The following GSTCD variants were observed in gnomAD, a reference collection of about 807,000 sequenced individuals.
The protein encoded by GSTCD is glutathione S-transferase C-terminal domain-containing protein.
Under a neutral mutation model 68.3 loss-of-function variants are expected in GSTCD, and 44 were observed. That is an observed-to-expected ratio of 0.64 (90% CI 0.51 to 0.83). The LOEUF (loss-of-function observed/expected upper bound fraction) is 0.83. Ranked by LOEUF, GSTCD falls within the 40% of genes least tolerant of loss-of-function variation. The pLI is 0.00. For synonymous variants in GSTCD, 273 were observed against 255.2 expected, an observed-to-expected ratio of 1.07 and a Z score of -0.67; for missense variants, 739 against 735.9, an observed-to-expected ratio of 1.00 and a Z score of -0.05.
At chr4:105,804,891 G>A (rs1052701894) in intron 5 of GSTCD, among the ~76,000 whole-genome samples, 7 of 152,116 alleles carry the variant, frequency 4.6e-5, no homozygotes, top group African/African-American at 1.7e-4. Flanking sequence ...AGAACATGCA[G>A]TGTTTGGTTT....
In GSTCD at chr4:105,717,836, A is replaced by T. The variant is rs1180537969; in HGVS notation, c.223A>T (p.Ile75Phe). Residue 75 changes from isoleucine to phenylalanine, a missense_variant, in exon 2 of 12, where the codon ATT becomes TTT. Transcript: ENST00000515279. ...DDLIQDVEIQ[I>F]ISRQELPPIV... is the part of the protein sequence containing the mutation. Reference sequence around the variant, plus strand: ...CCTGATCCAGGATGTTGAAATACAGATTATTTCAAGGCAGGAGCTCCCACC... The same window carrying T: ...CCTGATCCAGGATGTTGAAATACAGTTTATTTCAAGGCAGGAGCTCCCACC... 4 of 1,613,446 alleles carry T rather than the reference A, an allele frequency of 2.5e-6. No homozygotes were observed. In the African/African-American group the frequency reaches 5.3e-5, roughly 22 times the overall value.
intron 5 of GSTCD, among the ~76,000 whole-genome samples, chr4:105,746,911 C>T (rs1560808464): frequency 6.6e-6 from 1 of 152,216 alleles, no homozygotes; most frequent in East Asian, 1.9e-4. Flanking sequence ...CTAGTCCCTA[C>T]TTCTTTGTTG....
At position 105,766,369 on chromosome 4, in the gene GSTCD, C is replaced by A. The variant is rs976095072; in HGVS notation, c.1240+36870C>A. Among the ~76,000 whole-genome samples, 28 of 152,180 alleles carry A rather than the reference C, an allele frequency of 1.8e-4. 1 individual carries two copies. Among genetic ancestry groups the A allele is most frequent in the Non-Finnish European group, 8.8e-5 (6 of 68,038 alleles). On this transcript the variant is annotated intron_variant, in intron 5 of 11. Coordinates refer to ENST00000515279, the MANE Select transcript of GSTCD (RefSeq NM_001370181.1). ...GAAAGAATGTGACTTCTCCCTTGCT[C>A]CTACCTTCCATCCTTTTACTAATAG... is the stretch of plus-strand genomic sequence containing the variant.
rs187758649 is a variant in GSTCD, at chr4:105,719,220, G to T, written c.587G>T (p.Arg196Leu). The change falls in exon 3 of 12, where the codon CGC becomes CTC. Residue 196 changes from arginine to leucine, a missense_variant. By Grantham distance (102) the Arg-to-Leu change is moderately radical. Transcript: ENST00000515279. ...PVRVHNDDKL[R>L]RQKLKQQKAD... ...AGAGTGCATAATGATGATAAACTCC[G>T]CAGGCAGAAGCTCAAGCAACAGAAG... is the stretch of plus-strand genomic sequence containing the variant. 2 of 1,614,022 alleles carry T rather than the reference G, an allele frequency of 1.2e-6. No individual in the cohort carries two copies. Among genetic ancestry groups the T allele is most frequent in the South Asian group, 2.2e-5 (2 of 91,082 alleles).
intron 5 of GSTCD, among the ~76,000 whole-genome samples, chr4:105,743,241 C>T (rs1052172124): frequency 6.6e-5 from 10 of 152,152 alleles, no homozygotes; most frequent in Middle Eastern, 3.4e-3. Context: ...TGACCCACCG[C>T]ACCCAGCCTG....
intron 5 of GSTCD, among the ~76,000 whole-genome samples, chr4:105,770,456 G>C (rs146101037): frequency 0.12 from 17,932 of 151,484 alleles, 1,611 homozygotes; most frequent in African/African-American, 0.25. Context: ...ATGTGCCATG[G>C]TGGTTTGCTG....
In GSTCD at chr4:105,825,796, T is replaced by C. The variant is rs1333483682; in HGVS notation, c.1526T>C (p.Ile509Thr). The C allele has an allele frequency of 6.5e-7, 1 of 1,528,560 alleles. No individual in the cohort carries two copies. The highest frequency in any genetic ancestry group is 9.0e-7 in the Non-Finnish European group (1 of 1,107,160). 94.7% of individuals were successfully genotyped at this position (1,528,560 alleles called of 1,614,324 possible). Residue 509 changes from isoleucine to threonine, a missense_variant, in exon 8 of 12, where the codon ATT becomes ACT. Ile to Thr is a moderately conservative substitution (Grantham distance 89). Transcript: ENST00000515279. ...GAATATTTTACTGGGATGTTTAATA[T>C]TGGAGTAAGTAATCAAGTAATTTCA... is the stretch of plus-strand genomic sequence containing the variant. ...NMEYFTGMFN[I>T]GVALHACGVA...
At chr4:105,794,363 T>C (rs893927595) in intron 5 of GSTCD, among the ~76,000 whole-genome samples, 3 of 152,062 alleles carry the variant, frequency 2.0e-5, no homozygotes, top group African/African-American at 7.3e-5. Flanking sequence ...TCCAAACCCA[T>C]AGAATGTATA....
intron 5 of GSTCD, among the ~76,000 whole-genome samples, chr4:105,821,439 C>T (rs781062218): frequency 1.3e-4 from 20 of 151,800 alleles, no homozygotes; most frequent in Non-Finnish European, 2.4e-4. Context: ...ATATTGTACA[C>T]ATATATTATT....
At chr4:105,732,633 A>G (rs1461930768) in intron 5 of GSTCD, among the ~76,000 whole-genome samples, 1 of 152,044 alleles carries the variant, frequency 6.6e-6, no homozygotes, top group Admixed American at 6.6e-5. Flanking sequence ...GATCTTTTCA[A>G]AAAACCAGCT....
At chr4:105,772,426 C>CCCTGT (rs1332569223) in intron 5 of GSTCD, among the ~76,000 whole-genome samples, 3 of 150,522 alleles carry the variant, frequency 2.0e-5, no homozygotes, top group Admixed American at 6.6e-5. Flanking sequence ...GAGAGGAGAT[C>CCCTGT]CTTGTGCCAG....
chr4:105,789,847 C>T (rs1560829830), intron 5 of GSTCD, among the ~76,000 whole-genome samples: 1 of 151,506 alleles, frequency 6.6e-6, no homozygotes, highest in South Asian at 2.1e-4. Context: ...GTCATACATA[C>T]ATTTTGTTAG....
At chr4:105,730,350 G>A (rs987721599) in intron 5 of GSTCD, among the ~76,000 whole-genome samples, 2 of 152,154 alleles carry the variant, frequency 1.3e-5, no homozygotes, top group African/African-American at 4.8e-5. Context: ...CTAGTTTACA[G>A]TCCCACCAAC....
At chr4:105,817,602 A>C (rs918599080) in intron 5 of GSTCD, among the ~76,000 whole-genome samples, 1 of 151,820 alleles carries the variant, frequency 6.6e-6, no homozygotes, top group Non-Finnish European at 1.5e-5. Context: ...AAAAATGTAA[A>C]ATTAAAATAA....
intron 1 of GSTCD, among the ~76,000 whole-genome samples, chr4:105,711,872 A>G (rs112528936): frequency 0.054 from 8,155 of 152,298 alleles, 249 homozygotes; most frequent in Middle Eastern, 0.14. Flanking sequence ...CCTGGATATA[A>G]GTATACATAA....
intron 5 of GSTCD, among the ~76,000 whole-genome samples, chr4:105,736,255 C>G (rs972067411): frequency 7.2e-5 from 11 of 151,862 alleles, no homozygotes; most frequent in African/African-American, 2.4e-4. Context: ...ATTTCTGGTA[C>G]CTTATTTTCC....
At position 105,845,592 on chromosome 4, in the gene GSTCD, A is replaced by G; in HGVS notation, c.*15A>G. 1.2e-6 allele frequency: 2 copies of G among 1,613,580 alleles called. No individual in the cohort carries two copies. Among genetic ancestry groups the G allele is most frequent in the Non-Finnish European group, 1.7e-6 (2 of 1,179,818 alleles). Reference sequence around the variant, plus strand: ...TCCCCATTTAAAATGAGATATTCACATTTGATATTTTGCCATCCGTCTTCA... The same window carrying G: ...TCCCCATTTAAAATGAGATATTCACGTTTGATATTTTGCCATCCGTCTTCA... On this transcript the variant is annotated 3_prime_UTR_variant, in exon 12 of 12. Coordinates refer to ENST00000515279, the MANE Select transcript of GSTCD (RefSeq NM_001370181.1).
chr4:105,715,539 G>C (rs1732656671), intron 1 of GSTCD, among the ~76,000 whole-genome samples: 1 of 151,786 alleles, frequency 6.6e-6, no homozygotes, highest in African/African-American at 2.4e-5. Flanking sequence ...TAAAGCAGTA[G>C]TGATTATTTG....
intron 5 of GSTCD, among the ~76,000 whole-genome samples, chr4:105,785,515 A>G (rs918129783): frequency 6.6e-6 from 1 of 152,198 alleles, no homozygotes; most frequent in African/African-American, 2.4e-5. Flanking sequence ...ATTTTGTTCA[A>G]TGAGTTGTGA....
Sources: gnomAD v4.1 joint callset for allele counts (sites outside exome capture counted in the v4.1 genomes callset) on GRCh38, gnomAD v4.1.1 for gene constraint, MANE v1.5 for transcripts, NCBI Gene and HGNC (gene_info 2026-07-23, HGNC 2026-07-21) for gene names.